Variants in RBFOX1 observed in about 807,000 individuals in gnomAD.
The protein encoded by RBFOX1 is RNA binding fox-1 homolog 1.
In RBFOX1, 8 loss-of-function variants were observed where a neutral mutation model predicts 57.7. The ratio of observed to expected loss-of-function variants is 0.14; its 90% CI spans 0.08 to 0.25. The LOEUF (loss-of-function observed/expected upper bound fraction) is 0.25. Ranked by LOEUF, RBFOX1 falls within the 10% of genes least tolerant of loss-of-function variation. The pLI, the probability that RBFOX1 is intolerant of heterozygous loss-of-function variation, is 1.00. For missense variants in RBFOX1, 611 were observed against 548.5 expected (o/e 1.11, Z -1.14); for synonymous variants, 326 against 222.4 (o/e 1.47, Z -4.15).
chr16:7,127,399 C>A (rs1321721401), intron 4 of RBFOX1, among the ~76,000 whole-genome samples: 1 of 152,026 alleles, frequency 6.6e-6, no homozygotes, highest in African/African-American at 2.4e-5. Context: ...TTATTATCAC[C>A]CTATGCACTT....
chr16:6,036,841 T>C (rs2095371519), intron 1 of RBFOX1, among the ~76,000 whole-genome samples: 1 of 152,186 alleles, frequency 6.6e-6, no homozygotes, highest in African/African-American at 2.4e-5. Context: ...AAAATCACAT[T>C]CTCAAAGTGC....
intron 3 of RBFOX1, among the ~76,000 whole-genome samples, chr16:5,862,595 G>A (rs982364209): frequency 1.3e-5 from 2 of 152,152 alleles, no homozygotes; most frequent in East Asian, 1.9e-4. Context: ...TGCAGGGAGC[G>A]CTGTCTAGGA....
chr16:6,921,925 A>G (rs367670156), intron 3 of RBFOX1, among the ~76,000 whole-genome samples: 80 of 152,274 alleles, frequency 5.3e-4, no homozygotes, highest in African/African-American at 1.9e-3. Flanking sequence ...GTCAGGGATC[A>G]TTGGCAGTCA....
chr16:7,348,321 C>G (rs764790560), intron 4 of RBFOX1, among the ~76,000 whole-genome samples: 1 of 152,116 alleles, frequency 6.6e-6, no homozygotes, highest in Non-Finnish European at 1.5e-5. Context: ...CTACTCTCAT[C>G]GTATTCACAA....
chr16:7,406,457 TGGCCCAGAG>T (rs1223955227), intron 4 of RBFOX1, among the ~76,000 whole-genome samples: 1 of 152,208 alleles, frequency 6.6e-6, no homozygotes, highest in East Asian at 1.9e-4. Context: ...TGTCACCCTG[TGGCCCAGAG>T]GGTGGATGGA....
intron 3 of RBFOX1, among the ~76,000 whole-genome samples, chr16:6,982,450 G>T (rs1416413909): frequency 1.3e-5 from 2 of 152,190 alleles, no homozygotes; most frequent in Non-Finnish European, 1.5e-5. Flanking sequence ...TCCTTTCATT[G>T]CAGCGAGCTC....
chr16:7,070,928 G>C (rs1410862315), intron 4 of RBFOX1, among the ~76,000 whole-genome samples: 1 of 152,146 alleles, frequency 6.6e-6, no homozygotes, highest in East Asian at 1.9e-4. Flanking sequence ...CTAGTAAGCA[G>C]GACTCAGCTT....
chr16:5,955,443 T>C (rs1255412316), intron 4 of RBFOX1, among the ~76,000 whole-genome samples: 3 of 151,816 alleles, frequency 2.0e-5, no homozygotes, highest in Non-Finnish European at 1.5e-5. Flanking sequence ...GAGAACTAAC[T>C]ATACCCTTTT....
At chr16:7,085,358 C>A (rs547805423) in intron 4 of RBFOX1, among the ~76,000 whole-genome samples, 2 of 150,338 alleles carry the variant, frequency 1.3e-5, no homozygotes, top group East Asian at 1.9e-4. Context: ...GCCAGTACTT[C>A]AAAAAAAAAT....
At chr16:6,932,905 C>A (rs1248888490) in intron 3 of RBFOX1, among the ~76,000 whole-genome samples, 2 of 152,224 alleles carry the variant, frequency 1.3e-5, no homozygotes, top group African/African-American at 4.8e-5. Context: ...CCCATTATGT[C>A]TTCCCCCAGC....
chr16:6,945,897 A>G (rs2079413157), intron 3 of RBFOX1, among the ~76,000 whole-genome samples: 1 of 152,160 alleles, frequency 6.6e-6, no homozygotes, highest in Admixed American at 6.5e-5. Flanking sequence ...GTCCCCCACA[A>G]AAAAGGAATC....
At chr16:7,306,347 C>G (rs2096184859) in intron 4 of RBFOX1, among the ~76,000 whole-genome samples, 1 of 152,206 alleles carries the variant, frequency 6.6e-6, no homozygotes, top group South Asian at 2.1e-4. Flanking sequence ...CAGTCTCTCC[C>G]ACGAGGAAAA....
intron 14 of RBFOX1, among the ~76,000 whole-genome samples, chr16:7,682,219 T>G (rs892362916): frequency 6.6e-5 from 10 of 152,158 alleles, no homozygotes; most frequent in Admixed American, 3.3e-4. Context: ...ATTGGCAACT[T>G]TATGCTAGAC....
At chr16:5,594,352 A>C (rs186099823) in intron 2 of RBFOX1, among the ~76,000 whole-genome samples, 39 of 152,288 alleles carry the variant, frequency 2.6e-4, no homozygotes, top group African/African-American at 7.7e-4. Flanking sequence ...CGAAAATCTG[A>C]GACACAGGTC....
At chr16:5,948,683 A>T (rs1283389768) in intron 4 of RBFOX1, among the ~76,000 whole-genome samples, 2 of 152,154 alleles carry the variant, frequency 1.3e-5, no homozygotes, top group Admixed American at 1.3e-4. Flanking sequence ...AGAAACCGGG[A>T]GGGACGCCTG....
At chr16:7,016,589 C>G (rs1392785754) in intron 3 of RBFOX1, among the ~76,000 whole-genome samples, 2 of 152,224 alleles carry the variant, frequency 1.3e-5, no homozygotes, top group Admixed American at 1.3e-4. Flanking sequence ...TCCAGCCACA[C>G]TTCCACTTGG....
At chr16:5,595,336 C>G (rs1042517408) in intron 2 of RBFOX1, among the ~76,000 whole-genome samples, 2 of 152,170 alleles carry the variant, frequency 1.3e-5, no homozygotes, top group South Asian at 2.1e-4. Context: ...ACTGTCTTAA[C>G]TGGCTAAATC....
chr16:5,347,362 C>T (rs1195189661), intron 1 of RBFOX1, among the ~76,000 whole-genome samples: 1 of 152,138 alleles, frequency 6.6e-6, no homozygotes, highest in Non-Finnish European at 1.5e-5. Flanking sequence ...AACTCAGCCT[C>T]CTTGAATCAT....
chr16:6,406,891 T>C (rs2093300058), intron 2 of RBFOX1, among the ~76,000 whole-genome samples: 1 of 152,204 alleles, frequency 6.6e-6, no homozygotes, highest in South Asian at 2.1e-4. Context: ...ATATGCTGGC[T>C]GACCCCCCTA....
Sources: gnomAD v4.1 joint callset for allele counts (sites outside exome capture counted in the v4.1 genomes callset) on GRCh38, gnomAD v4.1.1 for gene constraint, MANE v1.5 for transcripts, NCBI Gene and HGNC (gene_info 2026-07-23, HGNC 2026-07-21) for gene names.